Variants in EEF1AKMT1 observed in about 807,000 individuals in gnomAD.
EEF1AKMT1 encodes EEF1A lysine methyltransferase 1.
Under a neutral mutation model 21.0 loss-of-function variants are expected in EEF1AKMT1, and 18 were observed. The observed-to-expected ratio is 0.86, with a 90% CI of 0.59 to 1.27. EEF1AKMT1 has a LOEUF of 1.27. Among genes scored for constraint, EEF1AKMT1 ranks in the 50% most tolerant of loss-of-function variants. EEF1AKMT1 has a pLI of 0.00. For missense variants in EEF1AKMT1, 246 were observed against 258.6 expected, an observed-to-expected ratio of 0.95 and a Z score of 0.33; for synonymous variants, 109 against 94.8, an observed-to-expected ratio of 1.15 and a Z score of -0.87.
rs771036966 is a variant in EEF1AKMT1, at chr13:20,731,938, G to A, written c.411C>T (p.Ile137=). 5.6e-6 allele frequency: 9 copies of A among 1,614,046 alleles called. No homozygotes were observed. The highest frequency in any genetic ancestry group is 3.3e-5 in the Admixed American group (2 of 60,002). ...AAAGATAGGGAGGATCTGCTATTAC[G>A]ATGTCAAAACTATGTGCAGCAATTC... is the stretch of plus-strand genomic sequence containing the variant. ...PERIAAHSFD[I]VIADPPYLSE... is the part of the protein sequence containing the mutation. The change falls in exon 4 of 5, where the codon ATC becomes ATT. Residue 137 remains isoleucine, a synonymous_variant. Transcript: ENST00000382758.
At chr13:20,738,403 A>T (rs1247538980) in intron 2 of EEF1AKMT1, among the ~76,000 whole-genome samples, 1 of 152,190 alleles carries the variant, frequency 6.6e-6, no homozygotes, top group Non-Finnish European at 1.5e-5. Context: ...ATCTATTCAT[A>T]GTTATAAATT....
At chr13:20,749,395 G>C (rs1437819949) in intron 2 of EEF1AKMT1, among the ~76,000 whole-genome samples, 1 of 152,160 alleles carries the variant, frequency 6.6e-6, no homozygotes, top group African/African-American at 2.4e-5. Context: ...ATCATCCTGG[G>C]AATTCCCTCT....
At chr13:20,730,229 T>C (rs1401189206) in intron 4 of EEF1AKMT1, among the ~76,000 whole-genome samples, 1 of 152,228 alleles carries the variant, frequency 6.6e-6, no homozygotes, top group Non-Finnish European at 1.5e-5. Context: ...CACAGAGCAC[T>C]GCAGAGAGCT....
At chr13:20,732,214 G>T in intron 3 of EEF1AKMT1, 93 bp from the exon 4 acceptor site, 1 of 1,369,940 alleles carries the variant, frequency 7.3e-7, no homozygotes, top group Non-Finnish European at 9.9e-7. Context: ...GGGTCCGAGT[G>T]CTCAGAGTTT....
chr13:20,764,295 C>T (rs1030533005), intron 1 of EEF1AKMT1, among the ~76,000 whole-genome samples: 2 of 152,130 alleles, frequency 1.3e-5, no homozygotes, highest in African/African-American at 2.4e-5. Context: ...TTAAATTTCT[C>T]TCTGGCCCAT....
intron 2 of EEF1AKMT1, among the ~76,000 whole-genome samples, chr13:20,741,367 A>G (rs1340841533): frequency 6.7e-6 from 1 of 150,374 alleles, no homozygotes; most frequent in East Asian, 2.0e-4. Context: ...ACCATCTTAC[A>G]CCCACTTTCT....
chr13:20,759,293 A>C (rs978888595), intron 1 of EEF1AKMT1, among the ~76,000 whole-genome samples: 1 of 152,234 alleles, frequency 6.6e-6, no homozygotes, highest in Non-Finnish European at 1.5e-5. Flanking sequence ...TAAGAAACTT[A>C]AATCGGCCGG....
At chr13:20,742,475 T>A (rs57448168) in intron 2 of EEF1AKMT1, among the ~76,000 whole-genome samples, 10,687 of 152,188 alleles carry the variant, frequency 0.07, 1,133 homozygotes, top group African/African-American at 0.23. Flanking sequence ...GTTATTCCTG[T>A]GATGGGGCAA....
At chr13:20,762,588 G>C (rs1462982889) in intron 1 of EEF1AKMT1, among the ~76,000 whole-genome samples, 2 of 151,936 alleles carry the variant, frequency 1.3e-5, no homozygotes, top group Non-Finnish European at 2.9e-5. Context: ...CATTAAATAT[G>C]ATGCAGCCAC....
chr13:20,741,936 T>C (rs934310067), intron 2 of EEF1AKMT1, among the ~76,000 whole-genome samples: 11 of 152,206 alleles, frequency 7.2e-5, no homozygotes, highest in Non-Finnish European at 1.6e-4. Flanking sequence ...GTTTCTTAAA[T>C]AAAACTAAGA....
At chr13:20,771,509 C>T (rs2059062671) in intron 1 of EEF1AKMT1, among the ~76,000 whole-genome samples, 1 of 152,102 alleles carries the variant, frequency 6.6e-6, no homozygotes, top group African/African-American at 2.4e-5. Flanking sequence ...TTGGAGCTTA[C>T]ATTCTAGAGA....
chr13:20,768,547 T>C (rs1278912674), intron 1 of EEF1AKMT1, among the ~76,000 whole-genome samples: 1 of 152,294 alleles, frequency 6.6e-6, no homozygotes, highest in East Asian at 1.9e-4. Context: ...TGGAGTTCTT[T>C]CTCTATTCTC....
intron 2 of EEF1AKMT1, among the ~76,000 whole-genome samples, chr13:20,749,848 T>C: frequency 6.6e-6 from 1 of 152,230 alleles, no homozygotes; most frequent in East Asian, 1.9e-4. Flanking sequence ...CCGAAGACTT[T>C]GTAGGAGACC....
intron 1 of EEF1AKMT1, among the ~76,000 whole-genome samples, chr13:20,769,606 A>G (rs531494610): frequency 6.6e-6 from 1 of 152,226 alleles, no homozygotes; most frequent in African/African-American, 2.4e-5. Context: ...TAAGTTTACA[A>G]CTCGTGCTGA....
At chr13:20,741,298 G>A (rs566040587) in intron 2 of EEF1AKMT1, among the ~76,000 whole-genome samples, 1 of 151,990 alleles carries the variant, frequency 6.6e-6, no homozygotes, top group African/African-American at 2.4e-5. Context: ...CTGGAAGACA[G>A]ACTCTCATCT....
chr13:20,764,421 G>C (rs2059016787), intron 1 of EEF1AKMT1, among the ~76,000 whole-genome samples: 1 of 152,170 alleles, frequency 6.6e-6, no homozygotes, highest in South Asian at 2.1e-4. Flanking sequence ...AATAGCTATG[G>C]ATATGGTCTA....
chr13:20,738,850 A>C (rs900042269), intron 2 of EEF1AKMT1, among the ~76,000 whole-genome samples: 1 of 152,212 alleles, frequency 6.6e-6, no homozygotes, highest in African/African-American at 2.4e-5. Context: ...GTGACAGCTG[A>C]AAAACATATG....
intron 2 of EEF1AKMT1, among the ~76,000 whole-genome samples, chr13:20,743,520 C>T (rs1296389131): frequency 6.6e-6 from 1 of 151,474 alleles, no homozygotes; most frequent in East Asian, 1.9e-4. Flanking sequence ...TCCTTGACTT[C>T]CCCTCCACCT....
chr13:20,729,251 A>T (rs780245110), intron 4 of EEF1AKMT1, 35 bp from the exon 5 acceptor site: 2 of 1,613,282 alleles, frequency 1.2e-6, no homozygotes, highest in Non-Finnish European at 1.7e-6. Flanking sequence ...CCAGAGAGTG[A>T]CAACCCAGCC....
Sources: gnomAD v4.1 joint callset for allele counts (sites outside exome capture counted in the v4.1 genomes callset) on GRCh38, gnomAD v4.1.1 for gene constraint, MANE v1.5 for transcripts, NCBI Gene and HGNC (gene_info 2026-07-23, HGNC 2026-07-21) for gene names.